The following GAS7 variants were observed in gnomAD, a reference collection of about 807,000 sequenced individuals.
GAS7 encodes the protein growth arrest-specific protein 7.
A neutral mutation model predicts 71.1 loss-of-function variants in GAS7; 28 were observed. The observed-to-expected ratio is 0.39, with a 90% CI of 0.29 to 0.54. GAS7 has a LOEUF of 0.54. Ranked by LOEUF, GAS7 falls within the 20% of genes least tolerant of loss-of-function variation. The probability of loss-of-function intolerance (pLI) is 0.62; values close to 1 mark genes in which losing one functional copy is unlikely to be tolerated. For missense variants in GAS7, 436 were observed against 627.8 expected (o/e 0.69, Z 3.27); for synonymous variants, 258 against 245.8 (o/e 1.05, Z -0.46).
intron 4 of GAS7, among the ~76,000 whole-genome samples, chr17:9,968,111 A>T (rs7213837): frequency 0.49 from 74,042 of 152,088 alleles, 18,112 homozygotes; most frequent in African/African-American, 0.52. Flanking sequence ...ATTTAGGCTG[A>T]TGTCTTCCAA....
At chr17:10,048,922 CG>C (rs1190468526) in intron 1 of GAS7, among the ~76,000 whole-genome samples, 2 of 152,108 alleles carry the variant, frequency 1.3e-5, no homozygotes, top group African/African-American at 2.4e-5. Flanking sequence ...CAGCTCATTG[CG>C]GGGGGGAAGA....
intron 1 of GAS7, among the ~76,000 whole-genome samples, chr17:10,179,273 G>A (rs2074396745): frequency 6.6e-6 from 1 of 151,800 alleles, no homozygotes; most frequent in Non-Finnish European, 1.5e-5. Context: ...ATGTTGCAGT[G>A]AGCCGAGATC....
At chr17:10,135,540 C>T (rs537537792) in intron 1 of GAS7, among the ~76,000 whole-genome samples, 8 of 152,350 alleles carry the variant, frequency 5.3e-5, no homozygotes, top group Admixed American at 2.6e-4. Flanking sequence ...GCCCCCATCA[C>T]GCTCTGCTGG....
chr17:9,937,822 A>G (rs2068455690), intron 8 of GAS7, among the ~76,000 whole-genome samples: 1 of 152,212 alleles, frequency 6.6e-6, no homozygotes, highest in South Asian at 2.1e-4. Flanking sequence ...GAAGGAATTC[A>G]AACAGACCAG....
At chr17:10,062,170 A>G (rs1028736283) in intron 1 of GAS7, among the ~76,000 whole-genome samples, 1 of 152,206 alleles carries the variant, frequency 6.6e-6, no homozygotes, top group African/African-American at 2.4e-5. Flanking sequence ...GAGGAAATTT[A>G]CCATTCTGGT....
intron 1 of GAS7, among the ~76,000 whole-genome samples, chr17:10,099,596 T>G (rs1349542758): frequency 6.6e-6 from 1 of 152,096 alleles, no homozygotes; most frequent in African/African-American, 2.4e-5. Flanking sequence ...AGTGGAGACA[T>G]TCCACACAAT....
chr17:10,167,905 CG>C (rs924471794), intron 1 of GAS7, among the ~76,000 whole-genome samples: 2 of 151,960 alleles, frequency 1.3e-5, no homozygotes, highest in African/African-American at 4.8e-5. Flanking sequence ...TGTCATGTTG[CG>C]CAGGCTGGTC....
At chr17:9,942,470 T>C (rs1032836299) in intron 7 of GAS7, among the ~76,000 whole-genome samples, 1 of 151,864 alleles carries the variant, frequency 6.6e-6, no homozygotes, top group Non-Finnish European at 1.5e-5. Context: ...TTTCTCTTTG[T>C]CGATTTCTCC....
chr17:10,152,120 C>A (rs575704508), intron 1 of GAS7, among the ~76,000 whole-genome samples: 1 of 152,170 alleles, frequency 6.6e-6, no homozygotes, highest in Admixed American at 6.5e-5. Flanking sequence ...CTGGCTGTCA[C>A]GTGTAGGTGG....
chr17:10,019,247 G>C (rs888009078), intron 2 of GAS7, among the ~76,000 whole-genome samples: 5 of 152,048 alleles, frequency 3.3e-5, no homozygotes, highest in African/African-American at 1.2e-4. Flanking sequence ...AGCACCCCCG[G>C]CATTTCCCAA....
rs889486965 is a variant in GAS7, at chr17:10,092,256, T to C, written c.184-72359A>G. ...AATGTTACCAACCCAAGACTGTCCCTGCCAACCGCATCTAAAATACCATCT... is the reference window on the plus strand; with the variant it reads ...AATGTTACCAACCCAAGACTGTCCCCGCCAACCGCATCTAAAATACCATCT... On this transcript the variant is annotated intron_variant, in intron 1 of 13. Coordinates refer to ENST00000432992, the MANE Select transcript of GAS7 (RefSeq NM_201433.2). Among the ~76,000 whole-genome samples the C allele has an allele frequency of 5.3e-5, 8 of 152,204 alleles. 1 individual carries two copies. The highest frequency in any genetic ancestry group is 1.0e-4 in the Non-Finnish European group (7 of 68,028).
intron 5 of GAS7, among the ~76,000 whole-genome samples, chr17:9,955,407 A>G (rs2069190740): frequency 6.6e-6 from 1 of 152,264 alleles, no homozygotes; most frequent in African/African-American, 2.4e-5. Flanking sequence ...TTTGTTCAAC[A>G]AAAGCAAATA....
At chr17:10,043,833 C>G (rs936741462) in intron 1 of GAS7, among the ~76,000 whole-genome samples, 1 of 152,142 alleles carries the variant, frequency 6.6e-6, no homozygotes, top group African/African-American at 2.4e-5. Flanking sequence ...ACTAGGCAGA[C>G]TGAGGCAAGA....
In GAS7 at chr17:9,934,188, ACTT is replaced by A; in HGVS notation, c.860_862del (p.Glu287del). 6.2e-7 allele frequency: 1 copy of A among 1,612,842 alleles called. No individual in the cohort carries two copies. The highest frequency in any genetic ancestry group is 8.5e-7 in the Non-Finnish European group (1 of 1,178,944). On this transcript the variant is annotated inframe_deletion, in exon 9 of 14. Transcript: ENST00000432992. ...TACCTTGGCAGAGAACTTGAGGTGA[ACTT>A]CTGCTTCGTCCGCCAGGCTCTTCTT...
intron 1 of GAS7, among the ~76,000 whole-genome samples, chr17:10,173,176 G>A (rs574546216): frequency 1.8e-4 from 28 of 152,206 alleles, no homozygotes; most frequent in Admixed American, 5.2e-4. Flanking sequence ...TGCTGGGGGC[G>A]GGCGAAGGGA....
chr17:9,942,991 G>T, intron 7 of GAS7, 130 bp downstream of exon 7: 4 of 591,844 alleles, frequency 6.8e-6, no homozygotes, highest in Non-Finnish European at 1.2e-5. Flanking sequence ...CCATGAGTTT[G>T]CCGCCTGGCG....
intron 3 of GAS7, among the ~76,000 whole-genome samples, chr17:9,973,012 A>G (rs982964640): frequency 6.6e-6 from 1 of 152,200 alleles, no homozygotes; most frequent in African/African-American, 2.4e-5. Context: ...AGATCTGGGG[A>G]AAAAATTTTA....
Position 9,917,254 on chromosome 17 carries a change from T to C in GAS7, c.1405A>G (p.Ile469Val), listed in dbSNP as rs1196161481. The change falls in exon 14 of 14, where the codon ATC becomes GTC. Residue 469 changes from isoleucine (I) to valine (V), a missense_variant. Physicochemically the swap from Ile to Val is conservative, Grantham distance 29 (BLOSUM62 3). Transcript: ENST00000432992. The part of the protein sequence containing the change: ...LWVREHKTGN[I>V]RPVDMEI Reference sequence around the variant, plus strand: ...TAGATCTCCATGTCCACAGGGCGGATGTTGCCCGTCTTGTGCTCTCTGACC... The same window carrying C: ...TAGATCTCCATGTCCACAGGGCGGACGTTGCCCGTCTTGTGCTCTCTGACC... 3.7e-6 allele frequency: 6 copies of C among 1,610,712 alleles called. No individual in the cohort carries two copies. Among genetic ancestry groups the C allele is most frequent in the Non-Finnish European group, 5.1e-6 (6 of 1,177,086 alleles).
At chr17:9,941,118 G>A (rs758509734) in intron 7 of GAS7, among the ~76,000 whole-genome samples, 90 of 152,320 alleles carry the variant, frequency 5.9e-4, no homozygotes, top group Non-Finnish European at 6.3e-4. Flanking sequence ...AAAGTCTGGC[G>A]GCAGCATTCC....
Sources: allele counts gnomAD v4.1 joint callset (sites outside exome capture counted in the v4.1 genomes callset), GRCh38; gene constraint gnomAD v4.1.1; transcripts MANE v1.5; gene names NCBI Gene and HGNC (gene_info 2026-07-23, HGNC 2026-07-21).